Variants in OPCML observed in about 807,000 individuals in gnomAD.
OPCML encodes opioid binding protein/cell adhesion molecule like.
OPCML carries 13 observed loss-of-function variants against 37.8 expected under a neutral mutation model. The observed-to-expected ratio is 0.34, with a 90% CI of 0.22 to 0.55. The LOEUF (loss-of-function observed/expected upper bound fraction) is 0.55. OPCML is among the 20% of genes least tolerant of loss of function. OPCML has a pLI of 0.91. For synonymous variants in OPCML, 176 were observed against 168.8 expected (o/e 1.04, Z -0.33); for missense variants, 341 against 435.6 (o/e 0.78, Z 1.93).
At chr11:133,124,419 G>A (rs573781509) in intron 1 of OPCML, among the ~76,000 whole-genome samples, 2 of 152,184 alleles carry the variant, frequency 1.3e-5, no homozygotes, top group Non-Finnish European at 2.9e-5. Context: ...TGGCTTGTCT[G>A]CTACATCACA....
chr11:132,769,923 T>C (rs1476325972), intron 2 of OPCML, among the ~76,000 whole-genome samples: 2 of 152,026 alleles, frequency 1.3e-5, no homozygotes, highest in African/African-American at 4.8e-5. Flanking sequence ...TCAAATGCAA[T>C]TTTGAAGATG....
Position 132,420,117 on chromosome 11 carries a change from G to C in OPCML, c.*76C>G, listed in dbSNP as rs538376581. The C allele has an allele frequency of 1.7e-6, 2 of 1,177,716 alleles. No individual in the cohort carries two copies. Among genetic ancestry groups the C allele is most frequent in the Non-Finnish European group, 2.4e-6 (2 of 832,866 alleles). 73.0% of individuals were successfully genotyped at this position (1,177,716 alleles called of 1,614,324 possible). ...AAAAAACAAAAAGAAGCCCAAGCTG[G>C]TTTGCTCTCCGCAGTGTAGATTAAA... On this transcript the variant is annotated 3_prime_UTR_variant, in exon 8 of 8. Coordinates refer to ENST00000524381, the MANE Select transcript of OPCML (RefSeq NM_001012393.5).
intron 1 of OPCML, among the ~76,000 whole-genome samples, chr11:133,189,652 A>T (rs941008373): frequency 6.6e-5 from 10 of 152,184 alleles, no homozygotes; most frequent in African/African-American, 2.2e-4. Flanking sequence ...GCCAGGTTTC[A>T]TAATTCCCTA....
At chr11:132,537,844 C>T (rs774593757) in intron 3 of OPCML, among the ~76,000 whole-genome samples, 2 of 152,154 alleles carry the variant, frequency 1.3e-5, no homozygotes, top group East Asian at 1.9e-4. Flanking sequence ...CAGAAAAATG[C>T]AAATCAAAAC....
At chr11:133,445,544 A>G (rs879917320) in intron 1 of OPCML, among the ~76,000 whole-genome samples, 2 of 152,232 alleles carry the variant, frequency 1.3e-5, no homozygotes, top group Admixed American at 1.3e-4. Flanking sequence ...AACAGTTAGC[A>G]AATGCTGCTG....
At chr11:132,767,120 GGTTA>G (rs1340834778) in intron 2 of OPCML, among the ~76,000 whole-genome samples, 1 of 152,124 alleles carries the variant, frequency 6.6e-6, no homozygotes, top group African/African-American at 2.4e-5. Flanking sequence ...TCTTTCAGGG[GGTTA>G]GTGAGTGCTT....
intron 1 of OPCML, among the ~76,000 whole-genome samples, chr11:132,945,455 A>G (rs935736797): frequency 3.9e-5 from 6 of 152,260 alleles, no homozygotes; most frequent in African/African-American, 1.4e-4. Context: ...ACATCTGTAC[A>G]GGACATTTGC....
intron 1 of OPCML, among the ~76,000 whole-genome samples, chr11:133,074,273 T>C (rs1948588601): frequency 6.6e-6 from 1 of 152,234 alleles, no homozygotes; most frequent in Admixed American, 6.5e-5. Flanking sequence ...GATTCAGATA[T>C]TATATCTGAG....
At chr11:132,866,596 G>A (rs1421891352) in intron 2 of OPCML, among the ~76,000 whole-genome samples, 1 of 152,172 alleles carries the variant, frequency 6.6e-6, no homozygotes, top group Non-Finnish European at 1.5e-5. Context: ...TGTTTTGGAT[G>A]CATTATACAT....
At chr11:132,818,660 A>ATATATATATATAT (rs56858242) in intron 2 of OPCML, among the ~76,000 whole-genome samples, 10,172 of 115,478 alleles carry the variant, frequency 0.088, 786 homozygotes, top group African/African-American at 0.15. Flanking sequence ...ATATATATAT[A>ATATATATATATAT]GACAGATTAT....
At chr11:133,082,352 GA>G (rs1410695941) in intron 1 of OPCML, among the ~76,000 whole-genome samples, 2 of 149,868 alleles carry the variant, frequency 1.3e-5, no homozygotes, top group African/African-American at 4.9e-5. Context: ...CAAGGCAGAG[GA>G]CCCGCTGCGC....
intron 1 of OPCML, among the ~76,000 whole-genome samples, chr11:133,505,310 T>C (rs1230881193): frequency 6.6e-6 from 1 of 152,208 alleles, no homozygotes; most frequent in Admixed American, 6.5e-5. Flanking sequence ...CAAGGGGACC[T>C]CACAGGGCCA....
rs1220767440 is a variant in OPCML, at chr11:133,140,919, A to AGACGACGACGACGACGACGACGAAGAC, written c.62-197910_62-197909insGTCTTCGTCGTCGTCGTCGTCGTCGTC. Reference sequence around the variant, plus strand: ...AAGACGACGACGACGAAGAAGAAGAAGACGACGACGACGAAGAAGAAGAAG... The same window carrying AGACGACGACGACGACGACGACGAAGAC: ...AAGACGACGACGACGAAGAAGAAGAAGACGACGACGACGACGACGACGAAGACGACGACGACGACGAAGAAGAAGAAG... On this transcript the variant is annotated intron_variant, in intron 1 of 7. Transcript: ENST00000524381. Among the ~76,000 whole-genome samples, 26 of 17,626 alleles carry AGACGACGACGACGACGACGACGAAGAC rather than the reference A, an allele frequency of 1.5e-3. 3 individuals are homozygous for AGACGACGACGACGACGACGACGAAGAC. Among genetic ancestry groups the AGACGACGACGACGACGACGACGAAGAC allele is most frequent in the African/African-American group, 2.8e-3 (25 of 8,976 alleles). 11.6% of individuals were successfully genotyped at this position (17,626 alleles called of 152,430 possible). A position where few individuals can be genotyped will look rare whatever the true frequency, so the allele number is the denominator to read the frequency against.
chr11:132,573,878 G>A (rs925368989), intron 3 of OPCML, among the ~76,000 whole-genome samples: 2 of 151,922 alleles, frequency 1.3e-5, no homozygotes, highest in African/African-American at 2.4e-5. Context: ...TTTGTTGGGA[G>A]ATTTATGATT....
intron 3 of OPCML, among the ~76,000 whole-genome samples, chr11:132,620,849 A>G (rs1297568128): frequency 1.3e-5 from 2 of 152,238 alleles, no homozygotes; most frequent in Non-Finnish European, 2.9e-5. Flanking sequence ...TAGAGAAGCC[A>G]GATCCCATGC....
intron 1 of OPCML, among the ~76,000 whole-genome samples, chr11:132,972,062 T>C (rs77724247): frequency 0.016 from 2,462 of 152,216 alleles, 77 homozygotes; most frequent in African/African-American, 0.057. Context: ...GAGACAGGGA[T>C]GGGGCATTCT....
At chr11:133,509,637 G>A (rs1948111190) in intron 1 of OPCML, among the ~76,000 whole-genome samples, 1 of 152,064 alleles carries the variant, frequency 6.6e-6, no homozygotes, top group Non-Finnish European at 1.5e-5. Flanking sequence ...TTCTAAGTCG[G>A]GAGCTCCAAT....
At chr11:133,356,822 G>T (rs1410516771) in intron 1 of OPCML, among the ~76,000 whole-genome samples, 1 of 152,206 alleles carries the variant, frequency 6.6e-6, no homozygotes, top group Non-Finnish European at 1.5e-5. Context: ...GTCAAGTTCA[G>T]ATTTTTTAAA....
At chr11:133,021,471 G>A (rs1947449820) in intron 1 of OPCML, among the ~76,000 whole-genome samples, 1 of 152,018 alleles carries the variant, frequency 6.6e-6, no homozygotes, top group South Asian at 2.1e-4. Flanking sequence ...TGTTCTGTGT[G>A]GTCAGCATGG....
Sources: allele counts gnomAD v4.1 joint callset (sites outside exome capture counted in the v4.1 genomes callset), GRCh38; gene constraint gnomAD v4.1.1; transcripts MANE v1.5; gene names NCBI Gene and HGNC (gene_info 2026-07-23, HGNC 2026-07-21).